The following CHD1L variants were observed in gnomAD, a reference collection of about 807,000 sequenced individuals.
The protein encoded by CHD1L is ATP-dependent chromatin remodeler CHD1L.
A neutral mutation model predicts 115.9 loss-of-function variants in CHD1L; 118 were observed. That is an observed-to-expected ratio of 1.02 (90% CI 0.88 to 1.19). The LOEUF is 1.19. CHD1L is among the 50% of genes most tolerant of loss of function. The pLI, the probability that CHD1L is intolerant of heterozygous loss-of-function variation, is 0.00. For missense variants in CHD1L, 1,179 were observed against 1,065.3 expected (o/e 1.11, Z -1.49); for synonymous variants, 411 against 387.1 (o/e 1.06, Z -0.72).
Position 147,255,906 on chromosome 1 carries a change from T to C in CHD1L, c.441T>C (p.His147=). 1 of 1,613,348 alleles carries C rather than the reference T, an allele frequency of 6.2e-7. No homozygotes were observed. The highest frequency in any genetic ancestry group is 8.5e-7 in the Non-Finnish European group (1 of 1,179,440). Residue 147 remains histidine (H), a synonymous_variant, in exon 4 of 23, where the codon CAT becomes CAC. Transcript: ENST00000369258. ...ACCTGAAACAGGAGTCACGTTTTCA[T>C]GTGCTACTGACTACCTATGAGGTAT... ...QQDLKQESRF[H]VLLTTYEICL...
the CHD1L span, among the ~76,000 whole-genome samples, chr1:147,181,176 A>G: frequency 6.6e-6 from 1 of 152,262 alleles, no homozygotes; most frequent in South Asian, 2.1e-4. Context: ...TCAAGGAATT[A>G]GAGCACAACT....
the CHD1L span, chr1:147,186,834 G>T: frequency 6.5e-7 from 1 of 1,531,778 alleles, no homozygotes; most frequent in Non-Finnish European, 8.7e-7. Flanking sequence ...AGTCAATCTC[G>T]TCAGATTCTG....
chr1:147,208,762 G>T, the CHD1L span: 8 of 1,057,124 alleles, frequency 7.6e-6, no homozygotes, highest in Middle Eastern at 2.1e-4. Flanking sequence ...TTAATGTATG[G>T]GTAGAGGTGG....
At chr1:147,219,129 C>G in the CHD1L span, among the ~76,000 whole-genome samples, 1 of 152,024 alleles carries the variant, frequency 6.6e-6, no homozygotes, top group African/African-American at 2.4e-5. Context: ...TTTGGAGACA[C>G]CAAAAACTAT....
intron 14 of CHD1L, 143 bp from the exon 15 acceptor site, chr1:147,279,883 T>C (rs1553960520): frequency 4.1e-6 from 3 of 735,822 alleles, no homozygotes; most frequent in African/African-American, 3.5e-5. Flanking sequence ...GCTGTTACTA[T>C]CTATGATGGG....
Position 147,264,453 on chromosome 1 carries a change from G to T in CHD1L, c.608G>T (p.Gly203Val). The change falls in exon 7 of 23, where the codon GGA (glycine) becomes GTA (valine). Residue 203 changes from glycine (G) to valine (V), a missense_variant. Physicochemically the swap from Gly to Val is moderately radical, Grantham distance 109. Coordinates refer to ENST00000369258, the MANE Select transcript of CHD1L (RefSeq NM_004284.6). The stretch of plus-strand genomic sequence containing the variant: ...GTAGTCTTCAGTCTCCTGTTGACCG[G>T]AACTCCCATCCAGAACAGCCTCCAA... ...FSVVFSLLLT[G>V]TPIQNSLQEL... 2 of 1,612,824 alleles carry T rather than the reference G, an allele frequency of 1.2e-6. No homozygotes were observed. Among genetic ancestry groups the T allele is most frequent in the Non-Finnish European group, 1.7e-6 (2 of 1,179,466 alleles).
chr1:147,173,024 C>G, the CHD1L span: 5 of 152,616 alleles, frequency 3.3e-5, no homozygotes, highest in Non-Finnish European at 5.8e-5. Context: ...CTGTTCTGAC[C>G]GGGCGCAGTG....
chr1:147,274,614 C>T (rs974010467), intron 12 of CHD1L, among the ~76,000 whole-genome samples: 12 of 141,572 alleles, frequency 8.5e-5, no homozygotes, highest in South Asian at 6.8e-4. Context: ...TGTACCTTCA[C>T]GGTTCTCTTA....
chr1:147,178,050 C>T, the CHD1L span: 2 of 853,386 alleles, frequency 2.3e-6, no homozygotes, highest in Non-Finnish European at 3.4e-6. Flanking sequence ...TGGTCGCGCG[C>T]CCGACCGCCG....
chr1:147,172,950 G>C, the CHD1L span: 1 of 152,378 alleles, frequency 6.6e-6, no homozygotes, highest in African/African-American at 2.4e-5. Flanking sequence ...TAGGGAATAA[G>C]AAAACTGAAA....
chr1:147,285,512 C>A (rs781785344), intron 17 of CHD1L, 25 bp downstream of exon 17: 3 of 1,596,124 alleles, frequency 1.9e-6, no homozygotes, highest in Non-Finnish European at 2.6e-6. Flanking sequence ...ACCAAGCTGG[C>A]GGCCACAGTT....
the CHD1L span, chr1:147,178,504 C>T: frequency 6.8e-6 from 11 of 1,611,386 alleles, no homozygotes; most frequent in African/African-American, 1.1e-4. Flanking sequence ...CCTGAAGAAG[C>T]AGGCAGGCCC....
In CHD1L at chr1:147,294,496, C is replaced by T; in HGVS notation, c.2594C>T (p.Ala865Val). Reference protein sequence around the residue: ...TERLIRKHLAARGIPTYIYYF... With the variant: ...TERLIRKHLAVRGIPTYIYYF... ...CGACTTATTCGGAAACATCTGGCTG[C>T]AAGAGGCATCCCAACTTACATGTAT... Residue 865 changes from alanine to valine, a missense_variant, in exon 22 of 23, where the codon GCA becomes GTA. Coordinates refer to ENST00000369258, the MANE Select transcript of CHD1L (RefSeq NM_004284.6). The T allele has an allele frequency of 6.2e-7, 1 of 1,612,204 alleles. No individual in the cohort carries two copies. The highest frequency in any genetic ancestry group is 8.5e-7 in the Non-Finnish European group (1 of 1,179,192).
chr1:147,246,272 CCA>C (rs1412704133), intron 1 of CHD1L, among the ~76,000 whole-genome samples: 1 of 152,136 alleles, frequency 6.6e-6, no homozygotes, highest in African/African-American at 2.4e-5. Context: ...GCACAGTATA[CCA>C]CAGTTTGTTT....
chr1:147,226,117 T>TTC, the CHD1L span, among the ~76,000 whole-genome samples: 1 of 151,432 alleles, frequency 6.6e-6, no homozygotes, highest in African/African-American at 2.4e-5. Flanking sequence ...CTTTTTTTTT[T>TTC]TTCCAACTTT....
At chr1:147,272,322 A>G (rs1676558214) in intron 12 of CHD1L, 41 bp downstream of exon 12, 6 of 1,333,730 alleles carry the variant, frequency 4.5e-6, no homozygotes, top group Non-Finnish European at 5.4e-6. Context: ...CAAATGAGGG[A>G]TAATAGAGTA....
intron 20 of CHD1L, among the ~76,000 whole-genome samples, chr1:147,291,759 A>G (rs1553970783): frequency 6.6e-6 from 1 of 152,118 alleles, no homozygotes; most frequent in Admixed American, 6.5e-5. Flanking sequence ...AGGTATCGGC[A>G]GGTTTGGTTT....
chr1:147,213,711 T>C, the CHD1L span, among the ~76,000 whole-genome samples: 1 of 152,184 alleles, frequency 6.6e-6, no homozygotes, highest in African/African-American at 2.4e-5. Context: ...TCTAGAAAAG[T>C]GCAAGTCACC....
At chr1:147,281,725 A>C (rs753394021) in intron 15 of CHD1L, among the ~76,000 whole-genome samples, 1 of 152,006 alleles carries the variant, frequency 6.6e-6, no homozygotes, top group Non-Finnish European at 1.5e-5. Context: ...TATTCCAGGG[A>C]GAATATTACA....
Sources: allele counts gnomAD v4.1 joint callset (sites outside exome capture counted in the v4.1 genomes callset), GRCh38; gene constraint gnomAD v4.1.1; transcripts MANE v1.5; gene names NCBI Gene and HGNC (gene_info 2026-07-23, HGNC 2026-07-21).